Variants in CDK18 observed in about 807,000 individuals in gnomAD.
CDK18 encodes cyclin-dependent kinase 18.
CDK18 carries 52 observed loss-of-function variants against 62.0 expected under a neutral mutation model. The observed-to-expected ratio is 0.84, with a 90% CI of 0.67 to 1.06. The LOEUF is 1.06. Ranked by LOEUF, CDK18 falls within the 50% of genes least tolerant of loss-of-function variation. CDK18 has a pLI of 0.00. For missense variants in CDK18, 604 were observed against 619.9 expected (o/e 0.97, Z 0.27); for synonymous variants, 237 against 247.0 (o/e 0.96, Z 0.38).
chr1:205,523,417 G>A, intron 2 of CDK18, 66 bp from the exon 3 acceptor site: 2 of 1,598,422 alleles, frequency 1.3e-6, no homozygotes, highest in Non-Finnish European at 8.5e-7. Flanking sequence ...GCTGGGGGAG[G>A]GGGGCTACCC....
At chr1:205,524,733 C>T (rs539142555) in intron 4 of CDK18, among the ~76,000 whole-genome samples, 5 of 152,348 alleles carry the variant, frequency 3.3e-5, no homozygotes, top group African/African-American at 1.2e-4. Context: ...CTAGGGGGTC[C>T]AGGAATCCGT....
At chr1:205,524,409 A>G in intron 4 of CDK18, 52 bp downstream of exon 4, 2 of 1,603,682 alleles carry the variant, frequency 1.2e-6, no homozygotes, top group Non-Finnish European at 1.7e-6. Context: ...TGCCCTCCCC[A>G]GCATGGGCAT....
intron 1 of CDK18, chr1:205,522,509 C>T (rs1439596020): frequency 6.6e-6 from 1 of 152,250 alleles, no homozygotes; most frequent in South Asian, 2.1e-4. Context: ...TTCCCTTCCT[C>T]CTCTTTTTCC....
At chr1:205,529,712 G>A (rs1272566632) in intron 13 of CDK18, 149 bp downstream of exon 13, 4 of 1,542,874 alleles carry the variant, frequency 2.6e-6, no homozygotes, top group African/African-American at 2.7e-5. Context: ...CCAAGGCCAA[G>A]GGGTGGCCTC....
chr1:205,523,145 A>G lies in CDK18; in HGVS notation c.-21-2A>G. On this transcript the variant is annotated splice_acceptor_variant, in intron 1 of 15. Coordinates refer to ENST00000429964, the MANE Select transcript of CDK18 (RefSeq NM_212502.3). LOFTEE classifies it low-confidence loss of function (5UTR_SPLICE). Reference sequence around the variant, plus strand: ...CTGCTCTTCTCACACTTCCCATCTCAGGACCCGGCTGCCCAGTCCCTCATG... The same window carrying G: ...CTGCTCTTCTCACACTTCCCATCTCGGGACCCGGCTGCCCAGTCCCTCATG... 6.3e-7 allele frequency: 1 copy of G among 1,587,208 alleles called. No homozygotes were observed. The highest frequency in any genetic ancestry group is 8.6e-7 in the Non-Finnish European group (1 of 1,164,992).
chr1:205,526,180 G>T lies in CDK18; in HGVS notation c.571+1G>T. On this transcript the variant is annotated splice_donor_variant, in intron 6 of 15. Transcript: ENST00000429964. LOFTEE classifies it high-confidence loss of function. ...GCGCCCTGCACTGCCATCCGAGAGG[G>T]TACAGCATCCTAGGCTCCCACGCTC... 1.2e-6 allele frequency: 2 copies of T among 1,611,960 alleles called. No individual in the cohort carries two copies. The highest frequency in any genetic ancestry group is 1.7e-6 in the Non-Finnish European group (2 of 1,178,332).
At position 205,526,153 on chromosome 1, in the gene CDK18, G is replaced by A. The variant is rs1321513410; in HGVS notation, c.545G>A (p.Gly182Glu). ...LKEIRLEHEE[G>E]APCTAIREVS... ...GAGATCCGGCTGGAGCACGAGGAGGGAGCGCCCTGCACTGCCATCCGAGAG... is the reference window on the plus strand; with the variant it reads ...GAGATCCGGCTGGAGCACGAGGAGGAAGCGCCCTGCACTGCCATCCGAGAG... Residue 182 changes from glycine (G) to glutamate (E), a missense_variant, in exon 6 of 16, where the codon GGA becomes GAA. Transcript: ENST00000429964. The A allele has an allele frequency of 6.2e-7, 1 of 1,614,010 alleles. No homozygotes were observed. Among genetic ancestry groups the A allele is most frequent in the East Asian group, 2.2e-5 (1 of 44,884 alleles).
At chr1:205,521,045 G>A (rs1668095280) in intron 1 of CDK18, among the ~76,000 whole-genome samples, 1 of 152,188 alleles carries the variant, frequency 6.6e-6, no homozygotes, top group Non-Finnish European at 1.5e-5. Flanking sequence ...GAAAGTCCAA[G>A]GCTGGTGGGC....
At chr1:205,513,115 C>T (rs557631726) in intron 1 of CDK18, among the ~76,000 whole-genome samples, 1 of 152,352 alleles carries the variant, frequency 6.6e-6, no homozygotes, top group South Asian at 2.1e-4. Context: ...AGGAAACAAG[C>T]TGTTTCCTCT....
intron 2 of CDK18, 29 bp from the exon 3 acceptor site, chr1:205,523,454 G>C (rs776894776): frequency 6.9e-6 from 11 of 1,597,190 alleles, no homozygotes; most frequent in Non-Finnish European, 8.5e-6. Flanking sequence ...AGAGAGGCAG[G>C]GAGGGGAGCT....
intron 1 of CDK18, among the ~76,000 whole-genome samples, chr1:205,513,755 A>G (rs1667681691): frequency 6.6e-6 from 1 of 152,208 alleles, no homozygotes; most frequent in African/African-American, 2.4e-5. Context: ...ACAGCCCTGG[A>G]GGCCCTAGCT....
intron 1 of CDK18, among the ~76,000 whole-genome samples, chr1:205,511,596 C>G (rs1667567815): frequency 6.6e-6 from 1 of 152,102 alleles, no homozygotes; most frequent in Non-Finnish European, 1.5e-5. Context: ...TTAAAATCAC[C>G]CATAATTCTA....
At chr1:205,511,027 A>G (rs1167271187) in intron 1 of CDK18, among the ~76,000 whole-genome samples, 2 of 152,132 alleles carry the variant, frequency 1.3e-5, no homozygotes, top group African/African-American at 4.8e-5. Context: ...GAGAACAACT[A>G]CCTCGCAAAG....
chr1:205,523,056 G>A, intron 1 of CDK18, 91 bp from the exon 2 acceptor site: 2 of 1,401,002 alleles, frequency 1.4e-6, no homozygotes, highest in South Asian at 2.8e-5. Context: ...GGGCGACAGA[G>A]CTTGATGAGA....
rs1299442710 is a variant in CDK18, at chr1:205,516,115, C to G, written c.-21-7032C>G. Among the ~76,000 whole-genome samples the G allele has an allele frequency of 1.3e-5, 2 of 152,186 alleles. No homozygotes were observed. Among genetic ancestry groups the G allele is most frequent in the Non-Finnish European group, 1.5e-5 (1 of 68,034 alleles). ...TTCCCCTGAGGTTTGTCCCAGGCTC[C>G]TGGAAACTAAGGCCTCCAGCTGTGC... On this transcript the variant is annotated intron_variant, in intron 1 of 15. Transcript: ENST00000429964. This position sits in a 1 kb window ranked among gnomAD's most constrained non-coding sequence, Gnocchi z 4.8.
intron 1 of CDK18, among the ~76,000 whole-genome samples, chr1:205,511,031 C>T (rs1038195690): frequency 2.0e-5 from 3 of 152,196 alleles, no homozygotes; most frequent in East Asian, 1.9e-4. Flanking sequence ...ACAACTACCT[C>T]GCAAAGAAAT....
chr1:205,514,766 C>A (rs1281399824), intron 1 of CDK18, among the ~76,000 whole-genome samples: 1 of 152,152 alleles, frequency 6.6e-6, no homozygotes, highest in Non-Finnish European at 1.5e-5. Context: ...CTGTGTAAGG[C>A]ATCAGGGAAA....
chr1:205,527,982 G>C lies in CDK18; in HGVS notation c.853+65G>C. On this transcript the variant is annotated intron_variant, in intron 9 of 15. Coordinates refer to ENST00000429964, the MANE Select transcript of CDK18 (RefSeq NM_212502.3). The surrounding 1 kb of genome is among the most constrained non-coding windows in gnomAD (Gnocchi z 4.1). ...GTGCCTCAGGGTGTGGGTGCAGTGG[G>C]GGAGGGCATAGCAGTCAACCCCACA... 1 of 1,613,110 alleles carries C rather than the reference G, an allele frequency of 6.2e-7. No individual in the cohort carries two copies.
Position 205,523,296 on chromosome 1 carries a change from G to C in CDK18, c.129G>C (p.Glu43Asp), listed in dbSNP as rs753132082. 1.5e-5 allele frequency: 25 copies of C among 1,613,998 alleles called. No homozygotes were observed. The highest frequency in any genetic ancestry group is 2.7e-5 in the African/African-American group (2 of 74,912). The change falls in exon 2 of 16, where the codon GAG becomes GAC. Residue 43 changes from glutamate to aspartate, a missense_variant and splice_region_variant. Transcript: ENST00000429964. ...QFNQLHNRRN[E>D]NLQLGPLGRD... ...ACCAGCTCCACAACCGGCGGAATGA[G>C]AGTGAGGGGTCTGGGCCCACCCAGC...
Sources: gnomAD v4.1 joint callset for allele counts (sites outside exome capture counted in the v4.1 genomes callset) on GRCh38, gnomAD v4.1.1 for gene constraint, Gnocchi (gnomAD v3.1) non-coding constraint, MANE v1.5 for transcripts, NCBI Gene and HGNC (gene_info 2026-07-23, HGNC 2026-07-21) for gene names.